SNTB1: variants seen among roughly 807,000 people sequenced by gnomAD.
SNTB1 encodes syntrophin beta 1, also known as beta-1-syntrophin.
SNTB1 carries 36 observed loss-of-function variants against 48.9 expected under a neutral mutation model. The observed-to-expected ratio is 0.74, with a 90% CI of 0.56 to 0.97. The LOEUF (loss-of-function observed/expected upper bound fraction) is 0.97. SNTB1 is among the 50% of genes least tolerant of loss of function. The probability of loss-of-function intolerance (pLI) is 0.00; values close to 1 mark genes in which losing one functional copy is unlikely to be tolerated. For missense variants in SNTB1, 786 were observed against 703.4 expected, an observed-to-expected ratio of 1.12 and a Z score of -1.33; for synonymous variants, 299 against 294.6, an observed-to-expected ratio of 1.01 and a Z score of -0.15.
intron 3 of SNTB1, among the ~76,000 whole-genome samples, chr8:120,597,695 G>A (rs1378332655): frequency 6.6e-6 from 1 of 152,274 alleles, no homozygotes; most frequent in Non-Finnish European, 1.5e-5. Context: ...GCAGCATTAT[G>A]GAAGGAGGCG....
intron 3 of SNTB1, among the ~76,000 whole-genome samples, chr8:120,595,816 C>T (rs1033692132): frequency 2.0e-4 from 30 of 152,160 alleles, no homozygotes; most frequent in African/African-American, 7.2e-4. Flanking sequence ...CTCCCGACCT[C>T]AGGTGATCTG....
rs533001994 is a variant in SNTB1, at chr8:120,669,619, A to AT, written c.788+24072dup. Among the ~76,000 whole-genome samples, 220 of 87,284 alleles carry AT rather than the reference A, an allele frequency of 2.5e-3. 41 individuals carry two copies. The East Asian group carries it at 0.051, about 20-fold the overall frequency. 57.3% of individuals were successfully genotyped at this position (87,284 alleles called of 152,430 possible). A position where few individuals can be genotyped will look rare whatever the true frequency, so the allele number is the denominator to read the frequency against. ...AGGCGCCTGCCACCGCGCCCGGCTA[A>AT]TTTTTTGTATTTTTAGTAGAGACGG... On this transcript the variant is annotated intron_variant, in intron 2 of 6. Transcript: ENST00000517992.
chr8:120,707,830 G>T (rs995355639), intron 1 of SNTB1, among the ~76,000 whole-genome samples: 3 of 152,082 alleles, frequency 2.0e-5, no homozygotes, highest in African/African-American at 7.2e-5. Flanking sequence ...GAAGACATGA[G>T]CTAGATTATT....
chr8:120,748,289 T>C (rs1819159116), intron 1 of SNTB1, among the ~76,000 whole-genome samples: 1 of 152,222 alleles, frequency 6.6e-6, no homozygotes, highest in East Asian at 1.9e-4. Flanking sequence ...GGGTTTTTTT[T>C]CCTCCCTCCT....
rs961009643 is a variant in SNTB1, at chr8:120,765,362, G to A, written c.571+45911C>T. ...CAGGAGAGTTTTTGAAGAGAGATAA[G>A]TGAAGTGGAAGAAATGTCCTTGACT... On this transcript the variant is annotated intron_variant, in intron 1 of 6. Coordinates refer to ENST00000517992, the MANE Select transcript of SNTB1 (RefSeq NM_021021.4). Among the ~76,000 whole-genome samples, 10 of 152,354 alleles carry A rather than the reference G, an allele frequency of 6.6e-5. No individual in the cohort carries two copies. In the South Asian group the frequency reaches 1.9e-3, roughly 28 times the overall value.
At position 120,785,012 on chromosome 8, in the gene SNTB1, G is replaced by A. The variant is rs117304059; in HGVS notation, c.571+26261C>T. 4.6e-3 allele frequency among the ~76,000 whole-genome samples: 694 copies of A among 152,288 alleles called. 4 individuals are homozygous for A. The highest frequency in any genetic ancestry group is 7.9e-3 in the Admixed American group (121 of 15,304). ...TGAGTGCTGGGGAATATATGAGAAG[G>A]AGTGGCATCAGGATGTCATCTGAGT... On this transcript the variant is annotated intron_variant, in intron 1 of 6. Coordinates refer to ENST00000517992, the MANE Select transcript of SNTB1 (RefSeq NM_021021.4).
chr8:120,679,297 T>C (rs764395398), intron 2 of SNTB1, among the ~76,000 whole-genome samples: 7 of 152,206 alleles, frequency 4.6e-5, no homozygotes, highest in Non-Finnish European at 1.0e-4. Flanking sequence ...CATGCTGCTG[T>C]CCTTAACAAG....
At position 120,811,119 on chromosome 8, in the gene SNTB1, C is replaced by T. The variant is rs186963370; in HGVS notation, c.571+154G>A. The stretch of plus-strand genomic sequence containing the variant: ...TGACAAAACTCTATGCTGCCACCCC[C>T]TGCGCCACCCTTCCCCCCCCCCCAA... On this transcript the variant is annotated intron_variant, in intron 1 of 6. Transcript: ENST00000517992. Among the ~76,000 whole-genome samples the T allele has an allele frequency of 3.3e-5, 5 of 151,842 alleles. No homozygotes were observed. The East Asian group carries it at 9.8e-4, about 30-fold the overall frequency.
At chr8:120,643,477 C>A (rs1320124979) in intron 2 of SNTB1, among the ~76,000 whole-genome samples, 1 of 152,176 alleles carries the variant, frequency 6.6e-6, no homozygotes, top group Non-Finnish European at 1.5e-5. Flanking sequence ...TCTGCCTTTG[C>A]ATTCTCATAG....
intron 1 of SNTB1, among the ~76,000 whole-genome samples, chr8:120,738,545 T>TTCCTTCCTTCCTTCC (rs1818987965): frequency 1.5e-5 from 2 of 135,728 alleles, no homozygotes; most frequent in African/African-American, 5.9e-5. Context: ...TCCTTCCTTC[T>TTCCTTCCTTCCTTCC]TTCCTTCCTT....
At chr8:120,627,160 A>G (rs1816897053) in intron 3 of SNTB1, among the ~76,000 whole-genome samples, 1 of 152,250 alleles carries the variant, frequency 6.6e-6, no homozygotes. Flanking sequence ...CAGGATGTAC[A>G]TCTGCTAATT....
In SNTB1 at chr8:120,672,169, G is replaced by A. The variant is rs186219100; in HGVS notation, c.788+21523C>T. On this transcript the variant is annotated intron_variant, in intron 2 of 6. Coordinates refer to ENST00000517992, the MANE Select transcript of SNTB1 (RefSeq NM_021021.4). ...TCTGAGCATGTTTAATACAGGCTAAGCTAAGCTATGACGTTCAGTAGGGTA... is the reference window on the plus strand; with the variant it reads ...TCTGAGCATGTTTAATACAGGCTAAACTAAGCTATGACGTTCAGTAGGGTA... 2.4e-4 allele frequency among the ~76,000 whole-genome samples: 37 copies of A among 152,296 alleles called. No homozygotes were observed. The East Asian group carries it at 6.0e-3, about 25-fold the overall frequency.
At chr8:120,556,832 A>G (rs1465969556) in intron 4 of SNTB1, among the ~76,000 whole-genome samples, 2 of 152,232 alleles carry the variant, frequency 1.3e-5, no homozygotes, top group Non-Finnish European at 2.9e-5. Context: ...CAGCCAATAA[A>G]TAATACTGGA....
At chr8:120,668,653 TAATTGGAAGGGACC>T (rs1817712243) in intron 2 of SNTB1, among the ~76,000 whole-genome samples, 1 of 152,234 alleles carries the variant, frequency 6.6e-6, no homozygotes, top group Non-Finnish European at 1.5e-5. Context: ...CAAATACAGA[TAATTGGAAGGGACC>T]AATTATAGGG....
At chr8:120,633,658 C>T (rs1341150704) in intron 2 of SNTB1, among the ~76,000 whole-genome samples, 2 of 151,916 alleles carry the variant, frequency 1.3e-5, no homozygotes, top group Non-Finnish European at 2.9e-5. Flanking sequence ...AACACCAAAA[C>T]TTAGGCCAGA....
At chr8:120,658,138 G>A (rs898733934) in intron 2 of SNTB1, among the ~76,000 whole-genome samples, 1 of 152,140 alleles carries the variant, frequency 6.6e-6, no homozygotes, top group Non-Finnish European at 1.5e-5. Flanking sequence ...AGAGGATACA[G>A]ATAAAAGCAT....
chr8:120,704,004 T>C (rs1458480335), intron 1 of SNTB1, among the ~76,000 whole-genome samples: 2 of 152,216 alleles, frequency 1.3e-5, no homozygotes, highest in Admixed American at 1.3e-4. Flanking sequence ...GTGCTGAGAT[T>C]TGAATCGAGG....
At chr8:120,770,716 G>C (rs1819611000) in intron 1 of SNTB1, among the ~76,000 whole-genome samples, 1 of 152,168 alleles carries the variant, frequency 6.6e-6, no homozygotes, top group Non-Finnish European at 1.5e-5. Flanking sequence ...AGGAGGCTGA[G>C]GCAGAAGAAT....
At chr8:120,608,666 CA>C (rs1816566642) in intron 3 of SNTB1, among the ~76,000 whole-genome samples, 1 of 152,140 alleles carries the variant, frequency 6.6e-6, no homozygotes. Flanking sequence ...GCAGACTTAG[CA>C]AACTAATTCA....
Sources: allele counts gnomAD v4.1 joint callset (sites outside exome capture counted in the v4.1 genomes callset), GRCh38; gene constraint gnomAD v4.1.1; transcripts MANE v1.5; gene names NCBI Gene and HGNC (gene_info 2026-07-23, HGNC 2026-07-21).